MYO9A: variants seen among roughly 807,000 people sequenced by gnomAD.
MYO9A encodes unconventional myosin-IXa.
Under a neutral mutation model 293.3 loss-of-function variants are expected in MYO9A, and 103 were observed. The ratio of observed to expected loss-of-function variants is 0.35; its 90% CI spans 0.30 to 0.41. The LOEUF (loss-of-function observed/expected upper bound fraction) is 0.41, where lower values mean the gene tolerates loss of function less well. MYO9A is among the 10% of genes least tolerant of loss of function. MYO9A has a pLI of 1.00. For missense variants in MYO9A, 2,685 were observed against 3,033.0 expected (o/e 0.89, Z 2.69); for synonymous variants, 1,001 against 1,035.7 (o/e 0.97, Z 0.64).
At chr15:71,867,807 C>T (rs1413187097) in intron 32 of MYO9A, among the ~76,000 whole-genome samples, 8 of 95,088 alleles carry the variant, frequency 8.4e-5, no homozygotes, top group Non-Finnish European at 1.3e-4. Context: ...ATCACACACA[C>T]ACACACACAC....
chr15:72,020,219 CT>C (rs1279486571), intron 5 of MYO9A, among the ~76,000 whole-genome samples: 1 of 152,104 alleles, frequency 6.6e-6, no homozygotes, highest in Admixed American at 6.5e-5. Flanking sequence ...GGGGAGACAT[CT>C]ATTATTTAAA....
At chr15:71,903,142 TA>T (rs2143704965) in intron 21 of MYO9A, 79 bp from the exon 22 acceptor site, 1 of 1,192,948 alleles carries the variant, frequency 8.4e-7, no homozygotes, top group Admixed American at 2.4e-5. Context: ...ATCATTCTAT[TA>T]ATCTTTTCTC....
intron 32 of MYO9A, among the ~76,000 whole-genome samples, chr15:71,873,395 T>C (rs1319832514): frequency 6.6e-6 from 1 of 152,224 alleles, no homozygotes; most frequent in Admixed American, 6.5e-5. Flanking sequence ...ACCTCGTGCA[T>C]GTCAGCATGT....
chr15:72,000,203 A>G (rs547318061), intron 8 of MYO9A, among the ~76,000 whole-genome samples: 2 of 152,360 alleles, frequency 1.3e-5, no homozygotes, highest in East Asian at 3.9e-4. Flanking sequence ...AATACAGAAA[A>G]TATAGAATAG....
chr15:71,883,486 A>G, intron 28 of MYO9A, 108 bp downstream of exon 28: 2 of 1,193,998 alleles, frequency 1.7e-6, no homozygotes, highest in Non-Finnish European at 2.3e-6. Flanking sequence ...ATCTCATTAG[A>G]ACATCCAGCC....
intron 2 of MYO9A, among the ~76,000 whole-genome samples, chr15:72,035,830 T>C (rs953377065): frequency 1.3e-5 from 2 of 151,998 alleles, no homozygotes; most frequent in African/African-American, 4.8e-5. Context: ...CTTTACATAC[T>C]ATAGGACTCT....
rs762739805 is a variant in MYO9A, at chr15:71,840,601, C to T, written c.6837+8244G>A. On this transcript the variant is annotated intron_variant, in intron 39 of 41. Transcript: ENST00000356056. Reference sequence around the variant, plus strand: ...TTCTTTCCAAATGTATTTAAGTCTTCTTTTGTAATATTTGAGGTTTTAAGG... The same window carrying T: ...TTCTTTCCAAATGTATTTAAGTCTTTTTTTGTAATATTTGAGGTTTTAAGG... Among the ~76,000 whole-genome samples, 5 of 152,086 alleles carry T rather than the reference C, an allele frequency of 3.3e-5. No homozygotes were observed. The East Asian group carries it at 5.8e-4, about 18-fold the overall frequency.
chr15:71,969,698 G>T (rs1001217345), intron 12 of MYO9A, among the ~76,000 whole-genome samples: 5 of 151,910 alleles, frequency 3.3e-5, no homozygotes, highest in African/African-American at 1.2e-4. Context: ...ATGGATAATA[G>T]AAATTTTCAA....
At chr15:71,850,747 C>T (rs1411672493) in intron 37 of MYO9A, among the ~76,000 whole-genome samples, 1 of 103,306 alleles carries the variant, frequency 9.7e-6, no homozygotes, top group African/African-American at 3.9e-5. Flanking sequence ...GCCTGGGTGA[C>T]AGACTGAAAC....
At chr15:72,041,925 T>C (rs1255506935) in intron 2 of MYO9A, among the ~76,000 whole-genome samples, 1 of 149,840 alleles carries the variant, frequency 6.7e-6, no homozygotes, top group Non-Finnish European at 1.5e-5. Flanking sequence ...TAACTCTATA[T>C]CTACTTTTAA....
intron 1 of MYO9A, among the ~76,000 whole-genome samples, chr15:72,055,763 T>C (rs2078701050): frequency 6.6e-6 from 1 of 152,094 alleles, no homozygotes; most frequent in African/African-American, 2.4e-5. Flanking sequence ...AACAATGTGA[T>C]ACCACCTTAC....
At chr15:71,983,027 T>C (rs2076314557) in intron 11 of MYO9A, among the ~76,000 whole-genome samples, 1 of 152,212 alleles carries the variant, frequency 6.6e-6, no homozygotes, top group South Asian at 2.1e-4. Flanking sequence ...TATACTTATA[T>C]TTAAAATGTC....
At position 72,055,602 on chromosome 15, in the gene MYO9A, C is replaced by T. The variant is rs527396114; in HGVS notation, c.-71-8968G>A. Among the ~76,000 whole-genome samples, 14 of 152,138 alleles carry T rather than the reference C, an allele frequency of 9.2e-5. No individual in the cohort carries two copies. In the South Asian group the frequency reaches 1.9e-3, roughly 20 times the overall value. ...ACTAATATCCAGAATCTACAAGGAACTCAAACAAATTAGCAAGAAAAAAAC... is the reference window on the plus strand; with the variant it reads ...ACTAATATCCAGAATCTACAAGGAATTCAAACAAATTAGCAAGAAAAAAAC... On this transcript the variant is annotated intron_variant, in intron 1 of 41. Coordinates refer to ENST00000356056, the MANE Select transcript of MYO9A (RefSeq NM_006901.4).
intron 1 of MYO9A, among the ~76,000 whole-genome samples, chr15:72,089,726 A>G (rs2079847957): frequency 6.6e-6 from 1 of 152,212 alleles, no homozygotes; most frequent in East Asian, 1.9e-4. Context: ...GGCTACAGTG[A>G]GCCATGATCT....
At chr15:71,904,615 T>G (rs1242867558) in intron 20 of MYO9A, among the ~76,000 whole-genome samples, 2 of 152,158 alleles carry the variant, frequency 1.3e-5, no homozygotes, top group East Asian at 3.8e-4. Flanking sequence ...ATCATGCCAC[T>G]GCACTCCAGC....
Position 72,019,061 on chromosome 15 carries a change from T to A in MYO9A, c.1133A>T (p.Asp378Val), listed in dbSNP as rs1369529092. The change falls in exon 6 of 42, where the codon GAT becomes GTT. Residue 378 changes from aspartate to valine, a missense_variant. By Grantham distance (152) the Asp-to-Val change is radical. Transcript: ENST00000356056. ...GACCGGCTCAGAGTCATAGCAATAA[T>A]CATCCCAGCTCTGTCTGAGGGGTTT... ...TKKPLRQSWD[D>V]YCYDSEPDCF... The A allele has an allele frequency of 5.0e-6, 8 of 1,613,876 alleles. No homozygotes were observed. Among genetic ancestry groups the A allele is most frequent in the Non-Finnish European group, 6.8e-6 (8 of 1,179,840 alleles).
intron 12 of MYO9A, among the ~76,000 whole-genome samples, chr15:71,971,351 A>G (rs1039377445): frequency 1.3e-5 from 2 of 151,940 alleles, no homozygotes; most frequent in African/African-American, 4.8e-5. Flanking sequence ...TTGGGAGGCT[A>G]AGGTAGGAGG....
chr15:71,972,343 T>C (rs2076032972), intron 12 of MYO9A: 1 of 151,976 alleles, frequency 6.6e-6, no homozygotes, highest in Non-Finnish European at 1.5e-5. Context: ...TCCTTTATAA[T>C]ATACTGGGGT....
intron 39 of MYO9A, among the ~76,000 whole-genome samples, chr15:71,835,078 A>C (rs2054885846): frequency 6.6e-6 from 1 of 152,152 alleles, no homozygotes; most frequent in South Asian, 2.1e-4. Flanking sequence ...CATGCAGTAA[A>C]GGCATTTCAT....
Sources: allele counts gnomAD v4.1 joint callset (sites outside exome capture counted in the v4.1 genomes callset), GRCh38; gene constraint gnomAD v4.1.1; transcripts MANE v1.5; gene names NCBI Gene and HGNC (gene_info 2026-07-23, HGNC 2026-07-21).